Variants in CHST9 observed in about 807,000 individuals in gnomAD.
CHST9 encodes carbohydrate sulfotransferase 9, also known as GalNAc-4-sulfotransferase 2.
A neutral mutation model predicts 44.4 loss-of-function variants in CHST9; 41 were observed. That is an observed-to-expected ratio of 0.92 (90% confidence interval 0.72 to 1.20). The LOEUF is 1.20. Ranked by LOEUF, CHST9 falls within the 50% of genes most tolerant of loss-of-function variation. The pLI is 0.00. For synonymous variants in CHST9, 171 were observed against 178.4 expected, an observed-to-expected ratio of 0.96 and a Z score of 0.33; for missense variants, 504 against 516.5, an observed-to-expected ratio of 0.98 and a Z score of 0.23.
intron 4 of CHST9, among the ~76,000 whole-genome samples, chr18:27,004,963 AG>A (rs375750633): frequency 9.2e-5 from 14 of 152,312 alleles, no homozygotes; most frequent in African/African-American, 2.6e-4. Context: ...ATGAAGACTC[AG>A]ATTCCTGACA....
At chr18:27,166,134 A>C (rs1237227912) in intron 1 of CHST9, among the ~76,000 whole-genome samples, 1 of 152,132 alleles carries the variant, frequency 6.6e-6, no homozygotes, top group Non-Finnish European at 1.5e-5. Flanking sequence ...GTCCTCCAAA[A>C]AATGACCTAA....
At chr18:27,036,110 C>A (rs147008555) in intron 3 of CHST9, among the ~76,000 whole-genome samples, 2 of 151,878 alleles carry the variant, frequency 1.3e-5, no homozygotes, top group Non-Finnish European at 2.9e-5. Flanking sequence ...ACCCTTTTTC[C>A]GAGTGTAACA....
intron 1 of CHST9, among the ~76,000 whole-genome samples, chr18:27,157,060 C>T (rs1443324420): frequency 6.6e-6 from 1 of 151,790 alleles, no homozygotes; most frequent in Admixed American, 6.6e-5. Flanking sequence ...TTCTGAATTC[C>T]CCCTTCTGCT....
chr18:27,110,783 T>C (rs1011741337), intron 2 of CHST9, among the ~76,000 whole-genome samples: 10 of 152,182 alleles, frequency 6.6e-5, no homozygotes, highest in Admixed American at 6.5e-4. Flanking sequence ...CCTAGGACAT[T>C]GTTGAGCTAG....
chr18:27,075,158 TG>T lies in CHST9; in HGVS notation c.122-26656del, dbSNP rs199923597. Among the ~76,000 whole-genome samples the T allele has an allele frequency of 2.4e-3, 326 of 133,416 alleles. 1 individual carries two copies. The highest frequency in any genetic ancestry group is 0.012 in the Middle Eastern group (3 of 248). The allele number at this position is 133,416 out of a possible 152,430, so 87.5% of individuals were successfully genotyped here. On this transcript the variant is annotated intron_variant, in intron 2 of 5. Transcript: ENST00000618847. ...AGAGGGTTTTGGGGGTTGCTTTTTT[TG>T]TTTGTTTTTTTTGTTTTTTGTTTTT...
rs1043796147 is a variant in CHST9 at position 26,907,242 on chromosome 18, G to C, written c.*9017C>G. On this transcript the variant is annotated 3_prime_UTR_variant, in exon 6 of 6. Transcript: ENST00000618847. The stretch of plus-strand genomic sequence containing the variant: ...AATGGGCTTTCTGAATTCTGTGGCT[G>C]TGAGGAGTCAGCTTAGGGAGAAATC... 6.5e-6 allele frequency: 1 copy of C among 152,758 alleles called. No individual in the cohort carries two copies. The highest frequency in any genetic ancestry group is 1.5e-5 in the Non-Finnish European group (1 of 68,150). 9.5% of individuals were successfully genotyped at this position (152,758 alleles called of 1,614,324 possible).
At chr18:26,974,626 A>G (rs1216974313) in intron 4 of CHST9, among the ~76,000 whole-genome samples, 1 of 151,614 alleles carries the variant, frequency 6.6e-6, no homozygotes, top group African/African-American at 2.4e-5. Context: ...GGTCCTCCCA[A>G]CAAGCATATA....
chr18:27,080,880 A>C (rs2057953571), intron 2 of CHST9, among the ~76,000 whole-genome samples: 1 of 152,228 alleles, frequency 6.6e-6, no homozygotes, highest in Non-Finnish European at 1.5e-5. Context: ...TCTATGTTTC[A>C]CTTTAGGCTC....
Position 26,909,894 on chromosome 18 carries a change from A to G in CHST9, c.*6365T>C, listed in dbSNP as rs1338867318. ...TACAATCACCCAGATAATAGCAGGA[A>G]GTAGGGTGGAGAGGCATGTTATAAA... is the stretch of plus-strand genomic sequence containing the variant. On this transcript the variant is annotated 3_prime_UTR_variant, in exon 6 of 6. Transcript: ENST00000618847. 6.6e-6 allele frequency: 1 copy of G among 152,224 alleles called. No homozygotes were observed. Among genetic ancestry groups the G allele is most frequent in the Non-Finnish European group, 1.5e-5 (1 of 68,076 alleles). 9.4% of individuals were successfully genotyped at this position (152,224 alleles called of 1,614,324 possible). A position where few individuals can be genotyped will look rare whatever the true frequency, so the allele number is the denominator to read the frequency against.
At chr18:27,009,215 C>G (rs949037562) in intron 4 of CHST9, among the ~76,000 whole-genome samples, 12 of 152,148 alleles carry the variant, frequency 7.9e-5, no homozygotes, top group African/African-American at 2.7e-4. Context: ...CATCTCCCCT[C>G]CAGCCTGGAC....
intron 4 of CHST9, among the ~76,000 whole-genome samples, chr18:26,956,507 C>G (rs2056327696): frequency 6.7e-6 from 1 of 149,316 alleles, no homozygotes; most frequent in Admixed American, 6.7e-5. Flanking sequence ...TATATACACA[C>G]ACACAATTAT....
rs2058580236 is a variant in CHST9 at position 27,142,931 on chromosome 18, T to A, written c.-96-26A>T. On this transcript the variant is annotated intron_variant, in intron 1 of 5. Coordinates refer to ENST00000618847, the MANE Select transcript of CHST9 (RefSeq NM_031422.6). ...CTAGAATTTTAAAAAGAAATCTACA[T>A]TGTACATTTCTGCTAATATTAATTC... is the stretch of plus-strand genomic sequence containing the variant. 1.4e-5 allele frequency: 12 copies of A among 866,848 alleles called. No individual in the cohort carries two copies. The South Asian group carries it at 1.9e-4, about 14-fold the overall frequency. The allele number at this position is 866,848 out of a possible 1,614,324, so 53.7% of individuals were successfully genotyped here. A position where few individuals can be genotyped will look rare whatever the true frequency, so the allele number is the denominator to read the frequency against.
intron 2 of CHST9, among the ~76,000 whole-genome samples, chr18:27,061,829 A>G (rs1175363368): frequency 6.6e-6 from 1 of 152,116 alleles, no homozygotes; most frequent in Admixed American, 6.6e-5. Context: ...CAGGTCATCT[A>G]GAGGCAAAAC....
At chr18:27,039,057 C>A (rs1158906500) in intron 3 of CHST9, among the ~76,000 whole-genome samples, 2 of 152,116 alleles carry the variant, frequency 1.3e-5, no homozygotes, top group Non-Finnish European at 2.9e-5. Flanking sequence ...AAAAAATACA[C>A]CAACAAGTAA....
chr18:26,989,740 A>G (rs1217965763), intron 4 of CHST9, among the ~76,000 whole-genome samples: 1 of 152,174 alleles, frequency 6.6e-6, no homozygotes, highest in Non-Finnish European at 1.5e-5. Context: ...GCTTGAGGCC[A>G]GGAGTTTGAG....
chr18:26,973,404 C>T (rs182786022), intron 4 of CHST9, among the ~76,000 whole-genome samples: 13 of 152,158 alleles, frequency 8.5e-5, no homozygotes, highest in East Asian at 3.9e-4. Context: ...ATCAAGGAGG[C>T]GAAGGTGCGG....
intron 2 of CHST9, among the ~76,000 whole-genome samples, chr18:27,072,613 G>A (rs756453482): frequency 6.6e-6 from 1 of 152,118 alleles, no homozygotes. Context: ...GGCCAGATGT[G>A]CAGCCTCACT....
chr18:27,092,858 C>T (rs2058082637), intron 2 of CHST9, among the ~76,000 whole-genome samples: 1 of 152,180 alleles, frequency 6.6e-6, no homozygotes, highest in African/African-American at 2.4e-5. Context: ...AAGTGCTTTA[C>T]TTCCAATTAA....
chr18:27,136,481 T>C (rs1221416116), intron 2 of CHST9, among the ~76,000 whole-genome samples: 2 of 152,162 alleles, frequency 1.3e-5, no homozygotes, highest in African/African-American at 4.8e-5. Flanking sequence ...ATGCTCACCA[T>C]CTCTGCACAC....
Sources: gnomAD v4.1 joint callset for allele counts (sites outside exome capture counted in the v4.1 genomes callset) on GRCh38, gnomAD v4.1.1 for gene constraint, MANE v1.5 for transcripts, NCBI Gene and HGNC (gene_info 2026-07-23, HGNC 2026-07-21) for gene names.